The following VDR variants were observed in gnomAD, a reference collection of about 807,000 sequenced individuals.
VDR encodes the protein vitamin D receptor.
In VDR, 19 loss-of-function variants were observed where a neutral mutation model predicts 39.7. The observed-to-expected ratio is 0.48, with a 90% CI of 0.33 to 0.70. The LOEUF (loss-of-function observed/expected upper bound fraction) is 0.70, where lower values mean the gene tolerates loss of function less well. Ranked by LOEUF, VDR falls within the 30% of genes least tolerant of loss-of-function variation. The pLI is 0.02. For synonymous variants in VDR, 242 were observed against 215.8 expected (o/e 1.12, Z -1.07); for missense variants, 442 against 570.5 (o/e 0.77, Z 2.29).
At chr12:47,862,589 T>A (rs1945648025) in intron 4 of VDR, among the ~76,000 whole-genome samples, 1 of 152,262 alleles carries the variant, frequency 6.6e-6, no homozygotes, top group Non-Finnish European at 1.5e-5. Flanking sequence ...ACAGGGTTTC[T>A]GTCCTCATCC....
In VDR at chr12:47,904,785, C is replaced by T. The variant is rs1277613681; in HGVS notation, c.-84+170G>A. On this transcript the variant is annotated intron_variant, in intron 1 of 9. Coordinates refer to ENST00000549336, the MANE Select transcript of VDR (RefSeq NM_000376.3). Reference sequence around the variant, plus strand: ...TCAGCTTTCTCAAACCTCAGTGCCCCTTAGTGTCCCAGCCTCATGGCACGA... The same window carrying T: ...TCAGCTTTCTCAAACCTCAGTGCCCTTTAGTGTCCCAGCCTCATGGCACGA... The T allele has an allele frequency of 7.3e-6, 5 of 688,194 alleles. No individual in the cohort carries two copies. In the Admixed American group the frequency reaches 1.0e-4, roughly 14 times the overall value. 42.6% of individuals were successfully genotyped at this position (688,194 alleles called of 1,614,324 possible).
intron 7 of VDR, among the ~76,000 whole-genome samples, chr12:47,849,571 G>A (rs547931652): frequency 6.6e-6 from 1 of 152,296 alleles, no homozygotes; most frequent in African/African-American, 2.4e-5. Flanking sequence ...AACTAATGGA[G>A]TTTTTTAAAA....
At chr12:47,871,527 G>A (rs1218545326) in intron 3 of VDR, among the ~76,000 whole-genome samples, 3 of 147,406 alleles carry the variant, frequency 2.0e-5, no homozygotes, top group African/African-American at 7.6e-5. Context: ...GCAGCAGCAC[G>A]ATCTGGGCTC....
intron 3 of VDR, among the ~76,000 whole-genome samples, chr12:47,873,691 G>T (rs1945940089): frequency 6.6e-6 from 1 of 152,104 alleles, no homozygotes; most frequent in Admixed American, 6.5e-5. Flanking sequence ...ACTCAGTCTT[G>T]GGTAGTTCTT....
chr12:47,853,138 C>A (rs531255820), intron 7 of VDR, among the ~76,000 whole-genome samples: 169 of 152,294 alleles, frequency 1.1e-3, no homozygotes, highest in Admixed American at 2.9e-3. Flanking sequence ...TTAAATGTGT[C>A]AATACTCTAT....
At chr12:47,886,831 C>T (rs893537706) in intron 1 of VDR, among the ~76,000 whole-genome samples, 2 of 152,240 alleles carry the variant, frequency 1.3e-5, no homozygotes, top group African/African-American at 4.8e-5. Flanking sequence ...GCAATCCACT[C>T]TCTTTGGATG....
At chr12:47,904,620 C>T (rs1248803948) in intron 1 of VDR, 1 of 1,536,040 alleles carries the variant, frequency 6.5e-7, no homozygotes, top group African/African-American at 1.4e-5. Flanking sequence ...TTTCTTATTC[C>T]TCCACTCCAT....
chr12:47,878,272 C>T (rs1022621187), intron 3 of VDR, among the ~76,000 whole-genome samples: 5 of 152,168 alleles, frequency 3.3e-5, no homozygotes, highest in Admixed American at 3.3e-4. Context: ...AGTTCCTGCC[C>T]CAATTCATCC....
rs1484810840 is a variant in VDR at position 47,865,123 on chromosome 12, G to A, written c.201C>T (p.Arg67=). 3.1e-6 allele frequency: 5 copies of A among 1,613,924 alleles called. No individual in the cohort carries two copies. The South Asian group carries it at 4.4e-5, about 14-fold the overall frequency. ...AGTGGCGTCGGTTGTCCTTGGTGATGCGGCAGTCCCCGTTGAAGGGGCAGG... is the reference window on the plus strand; with the variant it reads ...AGTGGCGTCGGTTGTCCTTGGTGATACGGCAGTCCCCGTTGAAGGGGCAGG... The part of the protein sequence containing the change: ...LFTCPFNGDC[R]ITKDNRRHCQ... Residue 67 remains arginine (R), a synonymous_variant, in exon 4 of 10, where the codon CGC becomes CGT. Transcript: ENST00000549336.
At chr12:47,899,093 A>G (rs58379944) in intron 1 of VDR, among the ~76,000 whole-genome samples, 6,823 of 152,308 alleles carry the variant, frequency 0.045, 281 homozygotes, top group East Asian at 0.13. Context: ...CCCAAGTTGC[A>G]GAGAAGCTAA....
chr12:47,877,450 G>A (rs1242691103), intron 3 of VDR, among the ~76,000 whole-genome samples: 1 of 152,064 alleles, frequency 6.6e-6, no homozygotes, highest in Non-Finnish European at 1.5e-5. Context: ...AGAGGGGGTG[G>A]ATATCAATAC....
chr12:47,847,261 C>T (rs575937004), intron 7 of VDR, among the ~76,000 whole-genome samples: 23 of 152,228 alleles, frequency 1.5e-4, no homozygotes, highest in East Asian at 1.2e-3. Context: ...CTCTCAAGCC[C>T]GTGATCTTAT....
At chr12:47,878,894 G>A (rs1294806390) in intron 3 of VDR, 74 bp downstream of exon 3, 1 of 1,610,352 alleles carries the variant, frequency 6.2e-7, no homozygotes, top group Non-Finnish European at 8.5e-7. Context: ...AAAAATGCAA[G>A]GGCTCCCTTC....
At chr12:47,888,353 T>C (rs554464351) in intron 1 of VDR, among the ~76,000 whole-genome samples, 1 of 152,246 alleles carries the variant, frequency 6.6e-6, no homozygotes, top group African/African-American at 2.4e-5. Context: ...GGTCACTCCA[T>C]GGAAACCAGG....
chr12:47,889,201 T>G (rs552195929), intron 1 of VDR, among the ~76,000 whole-genome samples: 5 of 152,028 alleles, frequency 3.3e-5, no homozygotes, highest in African/African-American at 1.2e-4. Flanking sequence ...AAGTGACATA[T>G]CCAAGGCCAC....
At chr12:47,882,623 G>GCCCCCAGGCCCCCCCCCC in intron 2 of VDR, 71 bp downstream of exon 2, 1 of 543,282 alleles carries the variant, frequency 1.8e-6, no homozygotes, top group Non-Finnish European at 3.2e-6. Flanking sequence ...ACCTTCTTAT[G>GCCCCCAGGCCCCCCCCCC]CCCCTCCCCC....
At position 47,867,271 on chromosome 12, in the gene VDR, T is replaced by C. The variant is rs572567427; in HGVS notation, c.147-2094A>G. ...CGGGAGGCTGAGGCAGGAGAATCAC[T>C]TGAACTTGGGAGACGGCCGTTTCAC... On this transcript the variant is annotated intron_variant, in intron 3 of 9. Transcript: ENST00000549336. Among the ~76,000 whole-genome samples the C allele has an allele frequency of 1.2e-4, 18 of 152,252 alleles. No individual in the cohort carries two copies. In the East Asian group the frequency reaches 3.5e-3, roughly 29 times the overall value.
rs71077177 is a variant in VDR at position 47,873,351 on chromosome 12, C to CTT, written c.146+5615_146+5616dup. Reference sequence around the variant, plus strand: ...ACCATGAGTCAATTAAACCTGTTTTCTTTTTTTTTTTTTTTTTTTTTTTTT... The same window carrying CTT: ...ACCATGAGTCAATTAAACCTGTTTTCTTTTTTTTTTTTTTTTTTTTTTTTTTT... On this transcript the variant is annotated intron_variant, in intron 3 of 9. Transcript: ENST00000549336. 4.4e-3 allele frequency among the ~76,000 whole-genome samples: 433 copies of CTT among 98,408 alleles called. 61 individuals carry two copies. The highest frequency in any genetic ancestry group is 0.014 in the African/African-American group (345 of 23,818). The allele number at this position is 98,408 out of a possible 152,430, so 64.6% of individuals were successfully genotyped here.
chr12:47,847,923 G>A (rs1388265677), intron 7 of VDR, among the ~76,000 whole-genome samples: 2 of 151,202 alleles, frequency 1.3e-5, no homozygotes, highest in Non-Finnish European at 1.5e-5. Context: ...TTTTTGAGAC[G>A]GAGTCTCACT....
Sources: allele counts gnomAD v4.1 joint callset (sites outside exome capture counted in the v4.1 genomes callset), GRCh38; gene constraint gnomAD v4.1.1; transcripts MANE v1.5; gene names NCBI Gene and HGNC (gene_info 2026-07-23, HGNC 2026-07-21).